Variants in DPH6 observed in about 807,000 individuals in gnomAD.
DPH6 encodes the protein diphthine--ammonia ligase.
DPH6 carries 33 observed loss-of-function variants against 38.2 expected under a neutral mutation model. That is an observed-to-expected ratio of 0.86 (90% CI 0.65 to 1.15). The LOEUF (loss-of-function observed/expected upper bound fraction) is 1.15, where lower values mean the gene tolerates loss of function less well. Ranked by LOEUF, DPH6 falls within the 50% of genes most tolerant of loss-of-function variation. The probability of loss-of-function intolerance (pLI) is 0.00; values close to 1 mark genes in which losing one functional copy is unlikely to be tolerated. For missense variants in DPH6, 325 were observed against 320.0 expected (o/e 1.02, Z -0.12); for synonymous variants, 108 against 103.0 (o/e 1.05, Z -0.30).
At chr15:35,350,491 TCTTA>T (rs943175381) in intron 3 of DPH6, among the ~76,000 whole-genome samples, 2 of 152,162 alleles carry the variant, frequency 1.3e-5, no homozygotes, top group Non-Finnish European at 2.9e-5. Context: ...TTTAGTTTGT[TCTTA>T]CTTTTGTAGT....
intron 5 of DPH6, among the ~76,000 whole-genome samples, chr15:35,425,948 A>G (rs994330476): frequency 5.3e-5 from 8 of 151,182 alleles, no homozygotes; most frequent in African/African-American, 1.9e-4. Context: ...GCAATAAAAT[A>G]AGCAAAACCA....
At chr15:35,337,258 T>C (rs1442365212) in intron 3 of DPH6, among the ~76,000 whole-genome samples, 2 of 152,328 alleles carry the variant, frequency 1.3e-5, no homozygotes, top group Admixed American at 1.3e-4. Context: ...TATTCTCTGA[T>C]GGTAGTTTGT....
rs924248655 is a variant in DPH6, at chr15:35,357,108, T to G, written n.207+16413A>C. Among the ~76,000 whole-genome samples the G allele has an allele frequency of 4.3e-4, 65 of 152,230 alleles. 1 individual carries two copies. The highest frequency in any genetic ancestry group is 2.1e-4 in the South Asian group (1 of 4,834). On this transcript the variant is annotated intron_variant and non_coding_transcript_variant, in intron 3 of 3. Transcript: ENST00000558973. ...ATGTGCGGGATATAATCTCCTGTTG[T>G]GCCGTTTGCTAAGACTGTTGGAGAA... is the stretch of plus-strand genomic sequence containing the variant.
At chr15:35,487,020 T>C (rs1236416558) in intron 3 of DPH6, among the ~76,000 whole-genome samples, 15 of 152,056 alleles carry the variant, frequency 9.9e-5, no homozygotes, top group Admixed American at 9.2e-4. Flanking sequence ...AACTCCAAAA[T>C]CTCCTTTGAC....
chr15:35,434,616 A>G (rs62003571), intron 5 of DPH6, among the ~76,000 whole-genome samples: 54,912 of 152,030 alleles, frequency 0.36, 10,077 homozygotes, highest in East Asian at 0.48. Flanking sequence ...ACACATAGAA[A>G]AGTGAAAATG....
intron 3 of DPH6, among the ~76,000 whole-genome samples, chr15:35,286,829 GTTC>G (rs1394006160): frequency 6.6e-6 from 1 of 151,958 alleles, no homozygotes; most frequent in Non-Finnish European, 1.5e-5. Context: ...AGGTATTTTT[GTTC>G]TCCCCTGAAG....
chr15:35,451,357 G>C (rs1282862239), intron 4 of DPH6, among the ~76,000 whole-genome samples: 6 of 152,230 alleles, frequency 3.9e-5, no homozygotes, highest in Admixed American at 1.3e-4. Flanking sequence ...AGGTTTTGGA[G>C]TGAAGACACA....
At chr15:35,240,965 C>T (rs2051593710) in intron 3 of DPH6, among the ~76,000 whole-genome samples, 1 of 143,470 alleles carries the variant, frequency 7.0e-6, no homozygotes, top group South Asian at 2.4e-4. Flanking sequence ...GCCACATCTC[C>T]AGCACACAAG....
At chr15:35,362,716 C>A (rs1468406067) in intron 3 of DPH6, among the ~76,000 whole-genome samples, 3 of 152,158 alleles carry the variant, frequency 2.0e-5, no homozygotes, top group Non-Finnish European at 4.4e-5. Flanking sequence ...AAGGGAGAAG[C>A]CATGATCTTT....
intron 5 of DPH6, among the ~76,000 whole-genome samples, chr15:35,441,959 G>A (rs2053794610): frequency 6.6e-6 from 1 of 152,098 alleles, no homozygotes; most frequent in African/African-American, 2.4e-5. Context: ...AGTAAATCTC[G>A]TGACATCAAG....
chr15:35,291,132 C>CT (rs2051977552), intron 3 of DPH6, among the ~76,000 whole-genome samples: 1 of 152,064 alleles, frequency 6.6e-6, no homozygotes, highest in Non-Finnish European at 1.5e-5. Flanking sequence ...ACCTACATGC[C>CT]TACAAGCTGA....
At chr15:35,237,546 A>C in intron 3 of DPH6, 1 of 1,553,246 alleles carries the variant, frequency 6.4e-7, no homozygotes. Flanking sequence ...CTAAGCGATA[A>C]CAGAGTCTCG....
At chr15:35,407,555 C>T (rs560136657) in intron 6 of DPH6, among the ~76,000 whole-genome samples, 8 of 152,080 alleles carry the variant, frequency 5.3e-5, no homozygotes, top group African/African-American at 1.9e-4. Flanking sequence ...AGGTAATACA[C>T]ATGTAAACAG....
At chr15:35,279,066 A>ATAT (rs3028680) in intron 3 of DPH6, among the ~76,000 whole-genome samples, 1,032 of 97,552 alleles carry the variant, frequency 0.011, 5 homozygotes, top group African/African-American at 0.023. Context: ...AAAAAAAAAA[A>ATAT]AAATATATAT....
chr15:35,422,012 G>A (rs1434713579), intron 5 of DPH6, among the ~76,000 whole-genome samples: 1 of 151,966 alleles, frequency 6.6e-6, no homozygotes, highest in Non-Finnish European at 1.5e-5. Context: ...TAATACCGGT[G>A]AATTGGATGT....
chr15:35,412,406 T>C (rs570906766), intron 5 of DPH6, among the ~76,000 whole-genome samples: 1 of 151,826 alleles, frequency 6.6e-6, no homozygotes, highest in African/African-American at 2.4e-5. Flanking sequence ...TACAGTCACT[T>C]TGTAAGACAG....
At position 35,515,292 on chromosome 15, in the gene DPH6, C is replaced by A. The variant is rs1449693645; in HGVS notation, c.312+22982G>T. Among the ~76,000 whole-genome samples the A allele has an allele frequency of 8.5e-5, 13 of 152,172 alleles. No individual in the cohort carries two copies. The South Asian group carries it at 2.5e-3, about 29-fold the overall frequency. On this transcript the variant is annotated intron_variant, in intron 3 of 8. Transcript: ENST00000256538. ...AAGGAAAAAGCATATAGAACAAAAT[C>A]ATCTGAAAAAGTTCATAGGGGCTGG...
At chr15:35,269,996 G>A (rs2051812184) in intron 3 of DPH6, among the ~76,000 whole-genome samples, 1 of 148,688 alleles carries the variant, frequency 6.7e-6, no homozygotes, top group African/African-American at 2.5e-5. Flanking sequence ...GTTTCACCAT[G>A]TTAGCCAGGA....
chr15:35,369,024 CA>C (rs1294465227), downstream of DPH6, among the ~76,000 whole-genome samples: 1 of 151,412 alleles, frequency 6.6e-6, no homozygotes, highest in Non-Finnish European at 1.5e-5. Context: ...AGCATATGTG[CA>C]TGTTGAAGGT....
Sources: gnomAD v4.1 joint callset for allele counts (sites outside exome capture counted in the v4.1 genomes callset) on GRCh38, gnomAD v4.1.1 for gene constraint, MANE v1.5 for transcripts, NCBI Gene and HGNC (gene_info 2026-07-23, HGNC 2026-07-21) for gene names.